Variants in AK5 observed in about 807,000 individuals in gnomAD.
AK5 encodes adenylate kinase isoenzyme 5.
A neutral mutation model predicts 69.5 loss-of-function variants in AK5; 27 were observed. The ratio of observed to expected loss-of-function variants is 0.39; its 90% CI spans 0.29 to 0.54. The LOEUF is 0.54. Among genes scored for constraint, AK5 ranks in the 20% least tolerant of loss-of-function variants. AK5 has a pLI of 0.71. For missense variants in AK5, 531 were observed against 700.4 expected (o/e 0.76, Z 2.73); for synonymous variants, 260 against 244.4 (o/e 1.06, Z -0.60).
intron 13 of AK5, among the ~76,000 whole-genome samples, chr1:77,552,815 A>T (rs1430493777): frequency 6.6e-6 from 1 of 152,152 alleles, no homozygotes; most frequent in African/African-American, 2.4e-5. Context: ...AGGTGGGAGG[A>T]TTGCTTGAGG....
intron 6 of AK5, among the ~76,000 whole-genome samples, chr1:77,389,816 G>C (rs1307324571): frequency 6.6e-6 from 1 of 151,992 alleles, no homozygotes; most frequent in Non-Finnish European, 1.5e-5. Flanking sequence ...ACAAGAATCA[G>C]CTGGATGTGG....
chr1:77,458,702 C>T (rs1653648202), intron 8 of AK5, among the ~76,000 whole-genome samples: 1 of 152,078 alleles, frequency 6.6e-6, no homozygotes. Context: ...ATGGGAAGAC[C>T]CACCCCCAGG....
At chr1:77,312,645 G>A (rs11590456) in intron 5 of AK5, among the ~76,000 whole-genome samples, 14,853 of 150,088 alleles carry the variant, frequency 0.099, 897 homozygotes, top group Middle Eastern at 0.19. Flanking sequence ...AGTCCCTTAA[G>A]CAATCTGGTT....
intron 10 of AK5, among the ~76,000 whole-genome samples, chr1:77,496,718 T>G (rs567411265): frequency 6.6e-6 from 1 of 152,284 alleles, no homozygotes; most frequent in African/African-American, 2.4e-5. Context: ...CTTGGAGAAC[T>G]TTTGTGTCTA....
chr1:77,337,312 A>G (rs1225456604), intron 5 of AK5, among the ~76,000 whole-genome samples: 1 of 152,254 alleles, frequency 6.6e-6, no homozygotes, highest in African/African-American at 2.4e-5. Context: ...AAGCACTTAC[A>G]TTAACAGACT....
Position 77,538,667 on chromosome 1 carries a change from T to A in AK5, c.1620+2629T>A, listed in dbSNP as rs551611972. On this transcript the variant is annotated intron_variant, in intron 13 of 13. Coordinates refer to ENST00000354567, the MANE Select transcript of AK5 (RefSeq NM_174858.3). ...TGTCTCAAAAAATAAAAAAAAAAAT[T>A]AAAAAAAAGAAAGGTATTTCTTCCA... 7.8e-3 allele frequency among the ~76,000 whole-genome samples: 1,177 copies of A among 151,614 alleles called. 24 individuals carry two copies. The highest frequency in any genetic ancestry group is 0.027 in the African/African-American group (1,104 of 41,344).
intron 3 of AK5, among the ~76,000 whole-genome samples, chr1:77,294,615 T>C (rs1658880959): frequency 6.6e-6 from 1 of 152,098 alleles, no homozygotes; most frequent in Non-Finnish European, 1.5e-5. Context: ...TCTAATAGAA[T>C]AGTGTTTTAC....
chr1:77,537,755 C>T (rs1002318097), intron 13 of AK5, among the ~76,000 whole-genome samples: 15 of 152,196 alleles, frequency 9.9e-5, no homozygotes, highest in Admixed American at 6.5e-5. Context: ...GGTCCGCTTT[C>T]CAGAATCCTA....
At chr1:77,365,057 A>T (rs1174489667) in intron 6 of AK5, among the ~76,000 whole-genome samples, 1 of 152,128 alleles carries the variant, frequency 6.6e-6, no homozygotes, top group Admixed American at 6.5e-5. Context: ...TTTTGATAAC[A>T]TTCATGCTAC....
intron 8 of AK5, among the ~76,000 whole-genome samples, chr1:77,431,571 C>A (rs966295249): frequency 6.6e-6 from 1 of 152,076 alleles, no homozygotes; most frequent in Non-Finnish European, 1.5e-5. Context: ...CAATTAGGAG[C>A]CAACGCCCAA....
At chr1:77,541,205 C>T (rs7546981) in intron 13 of AK5, among the ~76,000 whole-genome samples, 3,965 of 152,276 alleles carry the variant, frequency 0.026, 118 homozygotes, top group South Asian at 0.11. Flanking sequence ...CCACGCCCAG[C>T]CAGGAGCCTA....
intron 8 of AK5, among the ~76,000 whole-genome samples, chr1:77,420,773 CT>C (rs1262390346): frequency 6.6e-6 from 1 of 151,090 alleles, no homozygotes; most frequent in East Asian, 1.9e-4. Context: ...CCAGTTAACC[CT>C]TTTTAGTTAT....
At chr1:77,431,835 A>G (rs1651659715) in intron 8 of AK5, among the ~76,000 whole-genome samples, 1 of 152,150 alleles carries the variant, frequency 6.6e-6, no homozygotes, top group African/African-American at 2.4e-5. Flanking sequence ...TGTAAGAAAA[A>G]AATGAGGAGG....
chr1:77,436,602 A>G (rs1651977418), intron 8 of AK5, among the ~76,000 whole-genome samples: 2 of 151,826 alleles, frequency 1.3e-5, no homozygotes, highest in Non-Finnish European at 2.9e-5. Context: ...GAAATGACCC[A>G]GATACTTAAT....
intron 5 of AK5, among the ~76,000 whole-genome samples, chr1:77,329,194 G>GAA (rs11324649): frequency 2.1e-4 from 24 of 112,822 alleles, no homozygotes; most frequent in Admixed American, 7.0e-4. Flanking sequence ...CTCCCTCAGT[G>GAA]AAAAAAAAAA....
intron 1 of AK5, 52 bp downstream of exon 1, chr1:77,282,425 G>C: frequency 1.3e-6 from 2 of 1,521,854 alleles, no homozygotes; most frequent in Non-Finnish European, 1.8e-6. Context: ...TGCATCTCAG[G>C]GGTTCGGGTT....
At chr1:77,322,860 C>T (rs1440622659) in intron 5 of AK5, among the ~76,000 whole-genome samples, 1 of 152,194 alleles carries the variant, frequency 6.6e-6, no homozygotes, top group Non-Finnish European at 1.5e-5. Flanking sequence ...CAGTGGACAA[C>T]ATATTAAAGT....
At chr1:77,538,334 C>G (rs1659080721) in intron 13 of AK5, among the ~76,000 whole-genome samples, 1 of 147,976 alleles carries the variant, frequency 6.8e-6, no homozygotes, top group African/African-American at 2.5e-5. Flanking sequence ...GCAAGACTGT[C>G]TCTCAAAAAA....
At chr1:77,475,985 A>G (rs1654914071) in intron 8 of AK5, among the ~76,000 whole-genome samples, 1 of 152,172 alleles carries the variant, frequency 6.6e-6, no homozygotes, top group Non-Finnish European at 1.5e-5. Context: ...TTTCTTTAAA[A>G]TTTCTTATTA....
Sources: allele counts gnomAD v4.1 joint callset (sites outside exome capture counted in the v4.1 genomes callset), GRCh38; gene constraint gnomAD v4.1.1; transcripts MANE v1.5; gene names NCBI Gene and HGNC (gene_info 2026-07-23, HGNC 2026-07-21).